The following PTP4A3 variants were observed in gnomAD, a reference collection of about 807,000 sequenced individuals.
PTP4A3 encodes the protein protein tyrosine phosphatase type IVA 3.
In PTP4A3, 9 loss-of-function variants were observed where a neutral mutation model predicts 15.2. That is an observed-to-expected ratio of 0.59 (90% CI 0.36 to 1.03). PTP4A3 has a LOEUF of 1.03. Ranked by LOEUF, PTP4A3 falls within the 50% of genes least tolerant of loss-of-function variation. The pLI is 0.02. For synonymous variants in PTP4A3, 95 were observed against 102.0 expected, an observed-to-expected ratio of 0.93 and a Z score of 0.41; for missense variants, 234 against 252.1, an observed-to-expected ratio of 0.93 and a Z score of 0.49.
intron 1 of PTP4A3, among the ~76,000 whole-genome samples, chr8:141,399,434 G>C (rs1832532113): frequency 6.7e-6 from 1 of 148,194 alleles, no homozygotes; most frequent in South Asian, 2.1e-4. Context: ...GGGTCCCTGG[G>C]GGTGCCCGGG....
intron 1 of PTP4A3, among the ~76,000 whole-genome samples, chr8:141,409,650 T>G (rs1022875580): frequency 1.7e-4 from 26 of 152,210 alleles, no homozygotes; most frequent in African/African-American, 5.8e-4. Flanking sequence ...GTTCCCCACC[T>G]GCCTGCTGAG....
chr8:141,404,583 T>G (rs1217955476), intron 1 of PTP4A3, among the ~76,000 whole-genome samples: 1 of 152,198 alleles, frequency 6.6e-6, no homozygotes, highest in Non-Finnish European at 1.5e-5. Flanking sequence ...AGGTGCCCAG[T>G]AAGTGTGGGC....
rs1388709174 is a variant in PTP4A3, at chr8:141,429,998, G to A, written c.405-929G>A. ...GTCCCCGCTGTAAGGACCAGGTGGC[G>A]GGGACAGGGTGAGCGCACAGTCTGG... On this transcript the variant is annotated intron_variant, in intron 5 of 5. Coordinates refer to ENST00000521578, the MANE Select transcript of PTP4A3 (RefSeq NM_032611.3). Among the ~76,000 whole-genome samples, 13 of 85,914 alleles carry A rather than the reference G, an allele frequency of 1.5e-4. 1 individual carries two copies. The highest frequency in any genetic ancestry group is 2.4e-4 in the Non-Finnish European group (10 of 41,282). 56.4% of individuals were successfully genotyped at this position (85,914 alleles called of 152,430 possible). A position where few individuals can be genotyped will look rare whatever the true frequency, so the allele number is the denominator to read the frequency against.
At chr8:141,427,876 C>T in intron 5 of PTP4A3, 52 bp downstream of exon 5, 1 of 1,491,612 alleles carries the variant, frequency 6.7e-7, no homozygotes, top group Non-Finnish European at 9.1e-7. Context: ...GAGGGGAGAT[C>T]CGGCTGCCCA....
intron 1 of PTP4A3, among the ~76,000 whole-genome samples, chr8:141,412,355 G>T (rs1253394794): frequency 6.6e-6 from 1 of 152,208 alleles, no homozygotes; most frequent in African/African-American, 2.4e-5. Context: ...AGCATGGGTG[G>T]CTGGGTGGGC....
chr8:141,407,177 T>A (rs1173939514), intron 1 of PTP4A3, among the ~76,000 whole-genome samples: 1 of 152,190 alleles, frequency 6.6e-6, no homozygotes, highest in South Asian at 2.1e-4. Context: ...CTGCCCTGTG[T>A]CCCCACAGTC....
intron 4 of PTP4A3, 108 bp from the exon 5 acceptor site, chr8:141,427,642 G>T (rs1204471743): frequency 3.2e-6 from 3 of 929,178 alleles, no homozygotes; most frequent in Non-Finnish European, 4.8e-6. Context: ...AGGCAGGGGG[G>T]ATTCTGGGCC....
intron 1 of PTP4A3, among the ~76,000 whole-genome samples, chr8:141,421,121 C>T (rs934981094): frequency 2.0e-5 from 3 of 152,206 alleles, no homozygotes; most frequent in African/African-American, 7.2e-5. Flanking sequence ...ATCCCTGTCC[C>T]CTCTGTCCTC....
intron 1 of PTP4A3, among the ~76,000 whole-genome samples, chr8:141,418,298 A>T (rs1481058066): frequency 6.6e-6 from 1 of 152,158 alleles, no homozygotes. Flanking sequence ...CCCTGTCTGA[A>T]GCGGGGGCTG....
rs1376867218 is a variant in PTP4A3, at chr8:141,406,247, G to A, written c.-854+14163G>A. 1.3e-5 allele frequency among the ~76,000 whole-genome samples: 2 copies of A among 152,140 alleles called. No homozygotes were observed. The highest frequency in any genetic ancestry group is 2.9e-5 in the Non-Finnish European group (2 of 68,022). Reference sequence around the variant, plus strand: ...CCATTTCACTTGTCGGCCACCCACGGCTGCTTCCTGCCCCATCTGGGGATT... The same window carrying A: ...CCATTTCACTTGTCGGCCACCCACGACTGCTTCCTGCCCCATCTGGGGATT... On this transcript the variant is annotated intron_variant, in intron 1 of 5. Transcript: ENST00000521578. The surrounding 1 kb of genome is among the most constrained non-coding windows in gnomAD (Gnocchi z 4.5).
chr8:141,405,200 C>T lies in PTP4A3; in HGVS notation c.-854+13116C>T, dbSNP rs139878541. On this transcript the variant is annotated intron_variant, in intron 1 of 5. Transcript: ENST00000521578. ...CTTTGGCCCCCTGGTGAGGGAGCAG[C>T]GAGGCTGTGGGGACCCAGGTCCCTT... is the stretch of plus-strand genomic sequence containing the variant. Among the ~76,000 whole-genome samples, 291 of 152,302 alleles carry T rather than the reference C, an allele frequency of 1.9e-3. 3 individuals are homozygous for T. Among genetic ancestry groups the T allele is most frequent in the African/African-American group, 6.4e-3 (267 of 41,570 alleles).
At chr8:141,394,855 G>T (rs7462121) in intron 1 of PTP4A3, among the ~76,000 whole-genome samples, 33,719 of 152,244 alleles carry the variant, frequency 0.22, 4,516 homozygotes, top group East Asian at 0.59. Context: ...ACTGCACTTC[G>T]CACAGTTACG....
At chr8:141,410,517 CCT>C (rs1832841836) in intron 1 of PTP4A3, among the ~76,000 whole-genome samples, 1 of 152,232 alleles carries the variant, frequency 6.6e-6, no homozygotes, top group Non-Finnish European at 1.5e-5. Context: ...CCTCACAGCC[CCT>C]GTGGGTACCT....
intron 1 of PTP4A3, among the ~76,000 whole-genome samples, chr8:141,403,083 G>A (rs913669228): frequency 3.9e-5 from 6 of 152,186 alleles, no homozygotes; most frequent in African/African-American, 1.2e-4. Context: ...TTCGGAGGGA[G>A]TGACGGGACT....
At chr8:141,392,915 A>G (rs1331618612) in intron 1 of PTP4A3, among the ~76,000 whole-genome samples, 3 of 151,404 alleles carry the variant, frequency 2.0e-5, no homozygotes, top group Non-Finnish European at 4.4e-5. Context: ...CCCTCAGCCA[A>G]GACAGAAAGG....
In PTP4A3 at chr8:141,415,217, T is replaced by G. The variant is rs1026369458; in HGVS notation, c.-853-6171T>G. Reference sequence around the variant, plus strand: ...GTGGTGGGGATGCAGTGAGGCTCCCTCCAGCGCGGCAAGGAACGGGCCCTG... The same window carrying G: ...GTGGTGGGGATGCAGTGAGGCTCCCGCCAGCGCGGCAAGGAACGGGCCCTG... On this transcript the variant is annotated intron_variant, in intron 1 of 5. Coordinates refer to ENST00000521578, the MANE Select transcript of PTP4A3 (RefSeq NM_032611.3). Among the ~76,000 whole-genome samples, 9 of 152,062 alleles carry G rather than the reference T, an allele frequency of 5.9e-5. No individual in the cohort carries two copies. In the South Asian group the frequency reaches 1.9e-3, roughly 32 times the overall value.
intron 1 of PTP4A3, among the ~76,000 whole-genome samples, chr8:141,414,042 T>G (rs2129970489): frequency 6.6e-6 from 1 of 151,824 alleles, no homozygotes; most frequent in Admixed American, 6.6e-5. Flanking sequence ...GCATCTGATC[T>G]GGTCATCTGT....
intron 1 of PTP4A3, among the ~76,000 whole-genome samples, chr8:141,394,830 GCTGCAGGAGGAGGTA>G (rs1263150546): frequency 1.3e-5 from 2 of 152,262 alleles, no homozygotes; most frequent in Non-Finnish European, 2.9e-5. Context: ...GTGGCTGTGG[GCTGCAGGAGGAGGTA>G]CTGCACTTCG....
In PTP4A3 at chr8:141,425,889, C is replaced by T. The variant is rs1833555753; in HGVS notation, c.198+749C>T. On this transcript the variant is annotated intron_variant, in intron 3 of 5. Coordinates refer to ENST00000521578, the MANE Select transcript of PTP4A3 (RefSeq NM_032611.3). This position sits in a 1 kb window ranked among gnomAD's most constrained non-coding sequence, Gnocchi z 4.2. Reference sequence around the variant, plus strand: ...GTCAGACAGGCCTTGGGCTGCGTCCCGCCTCTGCCCTCCCCAGCCTTGCGA... The same window carrying T: ...GTCAGACAGGCCTTGGGCTGCGTCCTGCCTCTGCCCTCCCCAGCCTTGCGA... Among the ~76,000 whole-genome samples, 1 of 152,194 alleles carries T rather than the reference C, an allele frequency of 6.6e-6. No individual in the cohort carries two copies. Among genetic ancestry groups the T allele is most frequent in the African/African-American group, 2.4e-5 (1 of 41,438 alleles).
Sources: gnomAD v4.1 joint callset for allele counts (sites outside exome capture counted in the v4.1 genomes callset) on GRCh38, gnomAD v4.1.1 for gene constraint, Gnocchi (gnomAD v3.1) non-coding constraint, MANE v1.5 for transcripts, NCBI Gene and HGNC (gene_info 2026-07-23, HGNC 2026-07-21) for gene names.